LRMDA: variants seen among roughly 807,000 people sequenced by gnomAD.
LRMDA encodes the protein leucine-rich melanocyte differentiation-associated protein.
In LRMDA, 18 loss-of-function variants were observed where a neutral mutation model predicts 29.8. That is an observed-to-expected ratio of 0.60 (90% CI 0.42 to 0.90). The LOEUF (loss-of-function observed/expected upper bound fraction) is 0.90. Ranked by LOEUF, LRMDA falls within the 40% of genes least tolerant of loss-of-function variation. The probability of loss-of-function intolerance (pLI) is 0.00; values close to 1 mark genes in which losing one functional copy is unlikely to be tolerated. For synonymous variants in LRMDA, 125 were observed against 109.4 expected (o/e 1.14, Z -0.89); for missense variants, 273 against 273.9 (o/e 1.00, Z 0.02).
At chr10:76,550,679 G>A (rs1188602818) in intron 6 of LRMDA, among the ~76,000 whole-genome samples, 1 of 152,040 alleles carries the variant, frequency 6.6e-6, no homozygotes, top group Non-Finnish European at 1.5e-5. Context: ...CCCTGGGTAA[G>A]GTGTAGAGCC....
chr10:76,430,134 A>C (rs1396706228), intron 6 of LRMDA, among the ~76,000 whole-genome samples: 2 of 152,196 alleles, frequency 1.3e-5, no homozygotes, highest in Non-Finnish European at 2.9e-5. Flanking sequence ...AATATGTCGG[A>C]AACAAGGTAT....
At chr10:76,074,066 A>T (rs1329244917) in intron 5 of LRMDA, among the ~76,000 whole-genome samples, 1 of 152,152 alleles carries the variant, frequency 6.6e-6, no homozygotes, top group Non-Finnish European at 1.5e-5. Flanking sequence ...TTTGGGGAGG[A>T]AAAAAAGAGA....
intron 6 of LRMDA, among the ~76,000 whole-genome samples, chr10:76,384,336 C>T (rs878970553): frequency 1.8e-4 from 28 of 152,054 alleles, no homozygotes; most frequent in African/African-American, 6.3e-4. Flanking sequence ...GATACCTTGG[C>T]GAGATGTTAC....
intron 2 of LRMDA, among the ~76,000 whole-genome samples, chr10:75,751,905 G>A (rs1409988069): frequency 6.6e-6 from 1 of 152,120 alleles, no homozygotes; most frequent in Non-Finnish European, 1.5e-5. Flanking sequence ...CAAGGCTTGG[G>A]CTGGCATGGA....
At chr10:76,408,898 T>C (rs1841929785) in intron 6 of LRMDA, among the ~76,000 whole-genome samples, 1 of 152,158 alleles carries the variant, frequency 6.6e-6, no homozygotes, top group Non-Finnish European at 1.5e-5. Flanking sequence ...CACAGATGGC[T>C]TCGGAACCCT....
At chr10:75,840,542 G>A (rs1306491672) in intron 2 of LRMDA, among the ~76,000 whole-genome samples, 1 of 152,214 alleles carries the variant, frequency 6.6e-6, no homozygotes, top group Non-Finnish European at 1.5e-5. Flanking sequence ...CTGTGAAGCT[G>A]TATCTGTTTT....
intron 2 of LRMDA, among the ~76,000 whole-genome samples, chr10:75,720,616 G>A (rs968720168): frequency 5.5e-4 from 84 of 152,190 alleles, no homozygotes; most frequent in African/African-American, 1.9e-3. Context: ...GTGAACATCA[G>A]CACTTAGACC....
intron 2 of LRMDA, among the ~76,000 whole-genome samples, chr10:75,551,298 G>A (rs953451948): frequency 8.6e-5 from 13 of 151,652 alleles, no homozygotes; most frequent in Non-Finnish European, 1.6e-4. Flanking sequence ...GCACTAAAAA[G>A]TAAGACCATG....
At chr10:75,689,200 A>C (rs1413340990) in intron 2 of LRMDA, among the ~76,000 whole-genome samples, 1 of 152,198 alleles carries the variant, frequency 6.6e-6, no homozygotes, top group Non-Finnish European at 1.5e-5. Flanking sequence ...CATGTTTATA[A>C]TAGGAAATCA....
intron 6 of LRMDA, among the ~76,000 whole-genome samples, chr10:76,527,530 A>G (rs1843190797): frequency 6.6e-6 from 1 of 152,192 alleles, no homozygotes. Flanking sequence ...GTAAAAACTC[A>G]TTCTAGAATC....
chr10:76,519,217 G>A (rs1217427597), intron 6 of LRMDA, among the ~76,000 whole-genome samples: 2 of 151,680 alleles, frequency 1.3e-5, no homozygotes, highest in African/African-American at 4.8e-5. Context: ...TGAAACACAT[G>A]GCTCATAAAA....
chr10:75,626,606 C>T (rs1010785312), intron 2 of LRMDA, among the ~76,000 whole-genome samples: 8 of 152,088 alleles, frequency 5.3e-5, no homozygotes, highest in African/African-American at 1.9e-4. Context: ...TGGATGTTTT[C>T]GTATTAATTC....
chr10:76,376,922 G>A (rs761301787), intron 6 of LRMDA, among the ~76,000 whole-genome samples: 2 of 105,936 alleles, frequency 1.9e-5, no homozygotes, highest in African/African-American at 7.2e-5. Context: ...GTCTCGCTCT[G>A]TTGCCCAGGC....
chr10:76,300,621 G>C (rs2579789), intron 5 of LRMDA, among the ~76,000 whole-genome samples: 139,842 of 152,298 alleles, frequency 0.92, 64,851 homozygotes, highest in Non-Finnish European at 0.96. Flanking sequence ...TCATTCAGAC[G>C]CTAGGCTGTT....
chr10:75,635,462 T>C (rs1841379498), intron 2 of LRMDA, among the ~76,000 whole-genome samples: 1 of 152,114 alleles, frequency 6.6e-6, no homozygotes, highest in Non-Finnish European at 1.5e-5. Flanking sequence ...TCTTTCAGTT[T>C]TTGGAGAAAT....
intron 2 of LRMDA, among the ~76,000 whole-genome samples, chr10:75,963,720 G>A (rs574823099): frequency 2.0e-5 from 3 of 152,256 alleles, no homozygotes; most frequent in African/African-American, 4.8e-5. Flanking sequence ...TTTTGAGTGA[G>A]GGCAAAAGAG....
At position 76,195,246 on chromosome 10, in the gene LRMDA, G is replaced by A. The variant is rs886457157; in HGVS notation, c.517-129155G>A. ...TTGCTTTTGCAAAGACACAACTTCC[G>A]GTTCTGGTGGGCAGAATGGGGTCTG... On this transcript the variant is annotated intron_variant, in intron 5 of 6. Transcript: ENST00000611255. 2.0e-5 allele frequency among the ~76,000 whole-genome samples: 3 copies of A among 152,290 alleles called. 1 individual carries two copies. Among genetic ancestry groups the A allele is most frequent in the East Asian group, 3.9e-4 (2 of 5,172 alleles).
intron 2 of LRMDA, among the ~76,000 whole-genome samples, chr10:75,710,020 C>T (rs1213332788): frequency 6.6e-6 from 1 of 152,148 alleles, no homozygotes; most frequent in East Asian, 1.9e-4. Context: ...AAAGACGGTG[C>T]AGGTTGGTGT....
chr10:75,975,021 A>G (rs1256203542), intron 2 of LRMDA, among the ~76,000 whole-genome samples: 1 of 152,258 alleles, frequency 6.6e-6, no homozygotes, highest in Non-Finnish European at 1.5e-5. Context: ...CAGATGATCT[A>G]CAGATGCTAT....
Sources: gnomAD v4.1 joint callset for allele counts (sites outside exome capture counted in the v4.1 genomes callset) on GRCh38, gnomAD v4.1.1 for gene constraint, MANE v1.5 for transcripts, NCBI Gene and HGNC (gene_info 2026-07-23, HGNC 2026-07-21) for gene names.